Variants in CNTN4 observed in about 807,000 individuals in gnomAD.
CNTN4 encodes contactin 4, also known as contactin-4.
Under a neutral mutation model 122.5 loss-of-function variants are expected in CNTN4, and 77 were observed. The ratio of observed to expected loss-of-function variants is 0.63; its 90% CI spans 0.52 to 0.76. CNTN4 has a LOEUF of 0.76. CNTN4 is among the 30% of genes least tolerant of loss of function. The pLI, the probability that CNTN4 is intolerant of heterozygous loss-of-function variation, is 0.00. For missense variants in CNTN4, 1,256 were observed against 1,259.1 expected (o/e 1.00, Z 0.04); for synonymous variants, 512 against 447.0 (o/e 1.15, Z -1.83).
At chr3:2,108,085 C>T (rs772300660) in intron 2 of CNTN4, among the ~76,000 whole-genome samples, 19 of 152,074 alleles carry the variant, frequency 1.2e-4, no homozygotes, top group Non-Finnish European at 1.9e-4. Context: ...GCATCACTTC[C>T]CTGTTCCTAT....
intron 3 of CNTN4, among the ~76,000 whole-genome samples, chr3:2,549,908 T>C (rs936257870): frequency 6.6e-6 from 1 of 152,188 alleles, no homozygotes; most frequent in African/African-American, 2.4e-5. Flanking sequence ...GGATTCAACT[T>C]CTTCCTGGTT....
At chr3:2,718,367 T>A (rs2087633088) in intron 4 of CNTN4, among the ~76,000 whole-genome samples, 1 of 152,208 alleles carries the variant, frequency 6.6e-6, no homozygotes, top group South Asian at 2.1e-4. Flanking sequence ...ATGTGCTGGA[T>A]ATTTTGCCCA....
chr3:2,506,037 C>G (rs1359166770), intron 3 of CNTN4, among the ~76,000 whole-genome samples: 1 of 151,736 alleles, frequency 6.6e-6, no homozygotes, highest in Non-Finnish European at 1.5e-5. Flanking sequence ...TAATGTAACA[C>G]TATGGTAATC....
At chr3:2,257,403 C>A (rs1396150916) in intron 2 of CNTN4, among the ~76,000 whole-genome samples, 2 of 152,232 alleles carry the variant, frequency 1.3e-5, no homozygotes, top group East Asian at 1.9e-4. Flanking sequence ...ACTAAGACAC[C>A]AAAAGCAAAG....
chr3:2,108,233 TC>T (rs2032623920), intron 2 of CNTN4, among the ~76,000 whole-genome samples: 1 of 151,688 alleles, frequency 6.6e-6, no homozygotes, highest in African/African-American at 2.4e-5. Context: ...ACTGTCCTTG[TC>T]TACTGTGTTT....
intron 3 of CNTN4, among the ~76,000 whole-genome samples, chr3:2,548,130 G>T (rs1000822781): frequency 2.6e-5 from 4 of 152,146 alleles, no homozygotes; most frequent in Non-Finnish European, 4.4e-5. Flanking sequence ...TAGGTTGCCT[G>T]TTCACCTTGA....
chr3:2,271,586 G>A (rs74875477), intron 2 of CNTN4, among the ~76,000 whole-genome samples: 2,646 of 152,128 alleles, frequency 0.017, 84 homozygotes, highest in African/African-American at 0.06. Flanking sequence ...TATCATTGTT[G>A]TTTTAATAGG....
intron 16 of CNTN4, among the ~76,000 whole-genome samples, chr3:3,033,131 G>C (rs1437259753): frequency 1.3e-5 from 2 of 152,032 alleles, no homozygotes; most frequent in African/African-American, 4.8e-5. Flanking sequence ...GGACATCAGT[G>C]CAGCATCCAT....
intron 3 of CNTN4, among the ~76,000 whole-genome samples, chr3:2,485,128 C>T (rs760392251): frequency 1.9e-4 from 29 of 152,240 alleles, no homozygotes; most frequent in Admixed American, 3.9e-4. Context: ...TCCCGCCAGG[C>T]CTCAGCTGCC....
rs578081401 is a variant in CNTN4, at chr3:2,391,551, C to G, written c.-89+52318C>G. ...AGTTTATTAACTCATGTTCTTCTAA[C>G]ATATCCCCCACACAATATGAGTGAA... is the stretch of plus-strand genomic sequence containing the variant. On this transcript the variant is annotated intron_variant, in intron 3 of 24. Coordinates refer to ENST00000418658, the MANE Select transcript of CNTN4 (RefSeq NM_175607.3). 1.1e-3 allele frequency among the ~76,000 whole-genome samples: 167 copies of G among 152,274 alleles called. 1 individual carries two copies. Among genetic ancestry groups the G allele is most frequent in the African/African-American group, 3.9e-3 (164 of 41,558 alleles).
At chr3:2,918,599 G>A (rs1269049748) in intron 12 of CNTN4, among the ~76,000 whole-genome samples, 1 of 152,184 alleles carries the variant, frequency 6.6e-6, no homozygotes, top group Non-Finnish European at 1.5e-5. Flanking sequence ...ATTGGCCAAG[G>A]TAGGAATATT....
At chr3:3,056,061 C>T in intron 24 of CNTN4, 59 bp from the exon 25 acceptor site, 1 of 1,324,542 alleles carries the variant, frequency 7.5e-7, no homozygotes, top group South Asian at 1.2e-5. Context: ...CCCCGTGGCC[C>T]CTCTTCCCTT....
intron 2 of CNTN4, among the ~76,000 whole-genome samples, chr3:2,178,799 G>A (rs1010013484): frequency 6.6e-6 from 1 of 152,026 alleles, no homozygotes; most frequent in East Asian, 1.9e-4. Flanking sequence ...CTACTAAGAT[G>A]CCTATAAATA....
intron 4 of CNTN4, among the ~76,000 whole-genome samples, chr3:2,658,929 G>A (rs936446952): frequency 1.3e-4 from 19 of 149,364 alleles, no homozygotes; most frequent in Non-Finnish European, 4.4e-5. Context: ...ATTTTTTTAT[G>A]TGGACATGCA....
chr3:2,852,842 G>A (rs1264401704), intron 7 of CNTN4, among the ~76,000 whole-genome samples: 2 of 152,188 alleles, frequency 1.3e-5, no homozygotes, highest in Non-Finnish European at 2.9e-5. Flanking sequence ...GTCCCATAAA[G>A]AGCTGTAATC....
At chr3:2,289,413 A>G (rs1010253885) in intron 2 of CNTN4, among the ~76,000 whole-genome samples, 2 of 152,218 alleles carry the variant, frequency 1.3e-5, no homozygotes, top group African/African-American at 4.8e-5. Context: ...GGCGATAATA[A>G]TAGTATCTAT....
intron 12 of CNTN4, among the ~76,000 whole-genome samples, chr3:2,905,229 C>A (rs1047520661): frequency 6.6e-6 from 1 of 152,142 alleles, no homozygotes; most frequent in African/African-American, 2.4e-5. Flanking sequence ...AGTTTCCCGA[C>A]GCCAGCAAAC....
At chr3:2,736,878 G>A (rs961366343) in intron 5 of CNTN4, among the ~76,000 whole-genome samples, 1 of 151,942 alleles carries the variant, frequency 6.6e-6, no homozygotes, top group Admixed American at 6.6e-5. Context: ...CTGCCTCCCA[G>A]GTTCAAGTGA....
intron 3 of CNTN4, among the ~76,000 whole-genome samples, chr3:2,342,286 C>G (rs1049357613): frequency 6.6e-6 from 1 of 152,150 alleles, no homozygotes; most frequent in Non-Finnish European, 1.5e-5. Context: ...TTAGTCTAAA[C>G]TGCACTCATA....
Sources: allele counts gnomAD v4.1 joint callset (sites outside exome capture counted in the v4.1 genomes callset), GRCh38; gene constraint gnomAD v4.1.1; transcripts MANE v1.5; gene names NCBI Gene and HGNC (gene_info 2026-07-23, HGNC 2026-07-21).